Variants in TRABD2A observed in about 807,000 individuals in gnomAD.
TRABD2A encodes TraB domain containing 2A, also known as metalloprotease TIKI1.
In TRABD2A, 43 loss-of-function variants were observed where a neutral mutation model predicts 45.6. That is an observed-to-expected ratio of 0.94 (90% CI 0.74 to 1.22). The LOEUF (loss-of-function observed/expected upper bound fraction) is 1.22. Among genes scored for constraint, TRABD2A ranks in the 50% most tolerant of loss-of-function variants. The probability of loss-of-function intolerance (pLI) is 0.00; values close to 1 mark genes in which losing one functional copy is unlikely to be tolerated. For synonymous variants in TRABD2A, 269 were observed against 265.0 expected (o/e 1.02, Z -0.15); for missense variants, 642 against 652.4 (o/e 0.98, Z 0.17).
At chr2:84,822,825 T>C (rs528806123) in intron 6 of TRABD2A, among the ~76,000 whole-genome samples, 1 of 152,326 alleles carries the variant, frequency 6.6e-6, no homozygotes, top group East Asian at 1.9e-4. Flanking sequence ...ACATATCTGC[T>C]TCAAACCTTT....
intron 2 of TRABD2A, 100 bp from the exon 3 acceptor site, chr2:84,842,107 G>T: frequency 7.9e-7 from 1 of 1,268,252 alleles, no homozygotes; most frequent in Non-Finnish European, 1.0e-6. Flanking sequence ...CTTTGTGCTC[G>T]TTATGTAAGG....
intron 2 of TRABD2A, chr2:84,849,562 A>C (rs1038743313): frequency 7.9e-5 from 12 of 152,262 alleles, no homozygotes; most frequent in African/African-American, 2.9e-4. Context: ...CTTGTACACC[A>C]GATGGGCATC....
Position 84,880,914 on chromosome 2 carries a change from A to T in TRABD2A, c.108+18T>A. On this transcript the variant is annotated intron_variant, in intron 1 of 6. Transcript: ENST00000409520. The stretch of plus-strand genomic sequence containing the variant: ...GGTGCAGAGAGGCCGGCTCTCCAGC[A>T]CCCGACGCGCGCCTTACTTGGGGCT... The T allele has an allele frequency of 1.9e-6, 3 of 1,575,820 alleles. No homozygotes were observed. Among genetic ancestry groups the T allele is most frequent in the Non-Finnish European group, 2.6e-6 (3 of 1,161,134 alleles).
intron 2 of TRABD2A, among the ~76,000 whole-genome samples, chr2:84,843,267 G>C (rs529450702): frequency 2.6e-5 from 4 of 152,206 alleles, no homozygotes; most frequent in South Asian, 2.1e-4. Flanking sequence ...ATACAGACAG[G>C]CTTGGTCCAT....
chr2:84,858,288 C>T (rs1682381575), intron 2 of TRABD2A, among the ~76,000 whole-genome samples: 1 of 147,278 alleles, frequency 6.8e-6, no homozygotes, highest in Non-Finnish European at 1.5e-5. Flanking sequence ...CCCACCAGAC[C>T]CCTACACAAA....
rs534463347 is a variant in TRABD2A, at chr2:84,830,328, G to A, written c.1082+1727C>T. Among the ~76,000 whole-genome samples the A allele has an allele frequency of 6.6e-6, 1 of 152,310 alleles. No homozygotes were observed. The highest frequency in any genetic ancestry group is 2.4e-5 in the African/African-American group (1 of 41,554). ...GAGGGCTCCTCAGAAGGGGGAAGTA[G>A]CGTCAGTAAAGGAGAGGCGGGGACG... On this transcript the variant is annotated intron_variant, in intron 5 of 6. Transcript: ENST00000409520. The surrounding 1 kb of genome is among the most constrained non-coding windows in gnomAD (Gnocchi z 4.9).
In TRABD2A at chr2:84,824,126, C is replaced by T. The variant is rs375900394; in HGVS notation, c.1161G>A (p.Pro387=). 47 of 1,613,824 alleles carry T rather than the reference C, an allele frequency of 2.9e-5. No homozygotes were observed. In the Middle Eastern group the frequency reaches 6.6e-4, roughly 23 times the overall value. Residue 387 remains proline (P), a synonymous_variant, in exon 6 of 7, where the codon CCG becomes CCA. Transcript: ENST00000409520. ...GCCCTGAGGATACGGCTTCTGGTGC[C>T]GGTACTTCCAGGGTAGGGACTTTTG... ...FAPKVPTLEV[P]APEAVSSGHS...
chr2:84,867,740 A>G (rs1418561329), intron 2 of TRABD2A, among the ~76,000 whole-genome samples: 1 of 152,206 alleles, frequency 6.6e-6, no homozygotes, highest in Non-Finnish European at 1.5e-5. Context: ...AATTTACAAG[A>G]AAAAAACAAA....
chr2:84,853,121 T>C (rs1682156360), intron 2 of TRABD2A, among the ~76,000 whole-genome samples: 1 of 152,068 alleles, frequency 6.6e-6, no homozygotes, highest in Non-Finnish European at 1.5e-5. Context: ...TAATCCAATA[T>C]GACTGCGTCC....
intron 2 of TRABD2A, among the ~76,000 whole-genome samples, chr2:84,847,441 C>G (rs1403213915): frequency 6.6e-6 from 1 of 152,168 alleles, no homozygotes; most frequent in Non-Finnish European, 1.5e-5. Context: ...GGGCGTCTTC[C>G]AGGAGGGCCA....
Position 84,832,197 on chromosome 2 carries a change from A to C in TRABD2A, c.992-52T>G, listed in dbSNP as rs1405900069. ...GCTGCAGCTCTCAGGACCACCAAAC[A>C]TACTCCCCAAACACACACCCTAGAA... is the stretch of plus-strand genomic sequence containing the variant. On this transcript the variant is annotated intron_variant, in intron 4 of 6. Transcript: ENST00000409520. 8.9e-6 allele frequency: 14 copies of C among 1,579,740 alleles called. No homozygotes were observed. In the East Asian group the frequency reaches 2.9e-4, roughly 33 times the overall value.
intron 2 of TRABD2A, among the ~76,000 whole-genome samples, chr2:84,867,790 C>A (rs982426361): frequency 3.3e-5 from 5 of 152,230 alleles, no homozygotes; most frequent in Non-Finnish European, 5.9e-5. Context: ...TGAACAGACA[C>A]TTCTCAAAGA....
At chr2:84,875,000 TG>T in intron 1 of TRABD2A, 1 of 167,524 alleles carries the variant, frequency 6.0e-6, no homozygotes, top group Non-Finnish European at 1.3e-5. Context: ...AAAGAGATCC[TG>T]GGGACTTCCC....
chr2:84,825,072 G>T (rs1335656771), intron 5 of TRABD2A, among the ~76,000 whole-genome samples: 3 of 152,196 alleles, frequency 2.0e-5, no homozygotes, highest in Non-Finnish European at 2.9e-5. Context: ...AGAAAGAGAA[G>T]AATTCTACTA....
At chr2:84,843,016 G>A (rs1681762514) in intron 2 of TRABD2A, among the ~76,000 whole-genome samples, 1 of 151,410 alleles carries the variant, frequency 6.6e-6, no homozygotes, top group Non-Finnish European at 1.5e-5. Context: ...AATTCTCCTG[G>A]GCACTGGAGA....
intron 1 of TRABD2A, among the ~76,000 whole-genome samples, chr2:84,871,018 T>G (rs1682857819): frequency 6.6e-6 from 1 of 152,168 alleles, no homozygotes; most frequent in Non-Finnish European, 1.5e-5. Flanking sequence ...GGCTGTATGT[T>G]GGGATCACCA....
At chr2:84,831,033 T>G (rs1681315553) in intron 5 of TRABD2A, among the ~76,000 whole-genome samples, 1 of 152,044 alleles carries the variant, frequency 6.6e-6, no homozygotes, top group Admixed American at 6.5e-5. Context: ...GGGGCTGATG[T>G]GTGCCCCCCA....
At chr2:84,836,431 A>G (rs1454587747) in intron 4 of TRABD2A, 2 of 152,000 alleles carry the variant, frequency 1.3e-5, no homozygotes, top group African/African-American at 4.8e-5. Flanking sequence ...CCTATTGGGG[A>G]TCCCTTGTCT....
chr2:84,842,168 CAAAGA>C, intron 2 of TRABD2A, 161 bp from the exon 3 acceptor site: 1 of 743,302 alleles, frequency 1.3e-6, no homozygotes, highest in Admixed American at 3.6e-5. Context: ...GGACAGCATC[CAAAGA>C]AAAGGAGAAC....
Sources: allele counts gnomAD v4.1 joint callset (sites outside exome capture counted in the v4.1 genomes callset), GRCh38; gene constraint gnomAD v4.1.1; non-coding constraint Gnocchi (gnomAD v3.1); transcripts MANE v1.5; gene names NCBI Gene and HGNC (gene_info 2026-07-23, HGNC 2026-07-21).